Variants in JOSD1 observed in about 807,000 individuals in gnomAD.
The protein encoded by JOSD1 is Josephin domain containing 1, also known as josephin-1.
In JOSD1, 11 loss-of-function variants were observed where a neutral mutation model predicts 24.3. The ratio of observed to expected loss-of-function variants is 0.45; its 90% CI spans 0.29 to 0.75. The LOEUF is 0.75. Ranked by LOEUF, JOSD1 falls within the 30% of genes least tolerant of loss-of-function variation. The probability of loss-of-function intolerance (pLI) is 0.11; values close to 1 mark genes in which losing one functional copy is unlikely to be tolerated. For synonymous variants in JOSD1, 106 were observed against 93.8 expected, an observed-to-expected ratio of 1.13 and a Z score of -0.75; for missense variants, 184 against 253.5, an observed-to-expected ratio of 0.73 and a Z score of 1.86.
intron 2 of JOSD1, among the ~76,000 whole-genome samples, chr22:38,691,167 C>A (rs1399900139): frequency 6.6e-6 from 1 of 152,082 alleles, no homozygotes; most frequent in East Asian, 1.9e-4. Flanking sequence ...GAGTTAGAGA[C>A]CAGCTTGGGC....
At position 38,700,473 on chromosome 22, in the gene JOSD1, G is replaced by A. The variant is rs1339462834; in HGVS notation, c.-486C>T. ...GGTGACGGATAAATTTAGCGCACGA[G>A]TCGAGTAGCTAGCGCGGGCCGGCAG... On this transcript the variant is annotated 5_prime_UTR_variant, in exon 2 of 5. Transcript: ENST00000683374. 5.1e-6 allele frequency: 5 copies of A among 986,296 alleles called. No homozygotes were observed. Among genetic ancestry groups the A allele is most frequent in the Non-Finnish European group, 6.0e-6 (5 of 830,574 alleles). The allele number at this position is 986,296 out of a possible 1,614,324, so 61.1% of individuals were successfully genotyped here.
chr22:38,700,681 G>T (rs955266784), intron 1 of JOSD1, 63 bp from the exon 2 acceptor site: 2 of 977,456 alleles, frequency 2.0e-6, no homozygotes, highest in Non-Finnish European at 2.4e-6. Flanking sequence ...CGGCGGGGCC[G>T]GCCCCTGCCC....
At chr22:38,695,876 T>C (rs2092543807) in intron 2 of JOSD1, among the ~76,000 whole-genome samples, 1 of 152,142 alleles carries the variant, frequency 6.6e-6, no homozygotes, top group Non-Finnish European at 1.5e-5. Context: ...GCCAACATGG[T>C]GAAACCCCGT....
rs182140849 is a variant in JOSD1, at chr22:38,687,803, G to A, written c.*99C>T. 2,155 of 760,776 alleles carry A rather than the reference G, an allele frequency of 2.8e-3. 39 individuals are homozygous for A. In the African/African-American group the frequency reaches 0.034, roughly 12 times the overall value. 47.1% of individuals were successfully genotyped at this position (760,776 alleles called of 1,614,324 possible). ...GATCTGAAGGGGAAAAACTTGATGA[G>A]ATGTTTGGGGAAGTGGCAAGGGCAG... On this transcript the variant is annotated 3_prime_UTR_variant, in exon 5 of 5. Transcript: ENST00000683374.
rs576602359 is a variant in JOSD1, at chr22:38,689,568, C to T, written c.186-144G>A. On this transcript the variant is annotated intron_variant, in intron 2 of 4. Transcript: ENST00000683374. ...TCAAGTGCAATTTCCCCAGCTTCTA[C>T]CTAAGTATTTTGTAAGTGTTCCATG... The T allele has an allele frequency of 1.1e-4, 125 of 1,094,786 alleles. No homozygotes were observed. In the South Asian group the frequency reaches 1.7e-3, roughly 15 times the overall value. The allele number at this position is 1,094,786 out of a possible 1,614,324, so 67.8% of individuals were successfully genotyped here. A position where few individuals can be genotyped will look rare whatever the true frequency, so the allele number is the denominator to read the frequency against.
rs1270641211 is a variant in JOSD1, at chr22:38,688,017, T to C, written c.510-16A>G. 6 of 1,588,362 alleles carry C rather than the reference T, an allele frequency of 3.8e-6. No homozygotes were observed. The East Asian group carries it at 1.1e-4, about 30-fold the overall frequency. On this transcript the variant is annotated splice_polypyrimidine_tract_variant and intron_variant, in intron 4 of 4. Transcript: ENST00000683374. ...TAGAAACTTCCTATGGAAAAAGAGA[T>C]AGAGAAAATGAAATGCTGGCAAGTT... is the stretch of plus-strand genomic sequence containing the variant.
chr22:38,687,896 G>A lies in JOSD1; in HGVS notation c.*6C>T, dbSNP rs748878515. ...GCTGAGGCGAGAGGGAGGTTGGGCA[G>A]AACTGTTACACATCGGTCCTCCAAC... On this transcript the variant is annotated 3_prime_UTR_variant, in exon 5 of 5. Coordinates refer to ENST00000683374, the MANE Select transcript of JOSD1 (RefSeq NM_001360236.2). The A allele has an allele frequency of 6.2e-7, 1 of 1,603,234 alleles. No homozygotes were observed. The highest frequency in any genetic ancestry group is 8.5e-7 in the Non-Finnish European group (1 of 1,170,042).
intron 2 of JOSD1, among the ~76,000 whole-genome samples, chr22:38,690,199 G>A (rs1346535050): frequency 1.3e-5 from 2 of 152,048 alleles, no homozygotes; most frequent in Non-Finnish European, 2.9e-5. Flanking sequence ...AGGGTTCAAG[G>A]GGCATACCTT....
intron 2 of JOSD1, among the ~76,000 whole-genome samples, chr22:38,698,552 T>C (rs2145818986): frequency 6.6e-6 from 1 of 152,294 alleles, no homozygotes; most frequent in East Asian, 1.9e-4. Flanking sequence ...CTGGAATTGC[T>C]AATATGCACT....
At chr22:38,701,001 G>A, upstream of JOSD1, 2 of 983,866 alleles carry the variant, frequency 2.0e-6, no homozygotes, top group Non-Finnish European at 2.4e-6. Flanking sequence ...CCCGGCGCGT[G>A]CTCCGGAAAC....
At chr22:38,701,079 G>T, upstream of JOSD1, 1 of 750,194 alleles carries the variant, frequency 1.3e-6, no homozygotes, top group Non-Finnish European at 1.6e-6. Flanking sequence ...GACGTCATCG[G>T]CACCGGCCTG....
intron 3 of JOSD1, 40 bp downstream of exon 3, chr22:38,689,256 C>A (rs753798171): frequency 6.2e-7 from 1 of 1,613,648 alleles, no homozygotes; most frequent in Admixed American, 1.7e-5. Context: ...TATACCACAA[C>A]CGTGCTGTTC....
intron 3 of JOSD1, 25 bp downstream of exon 3, chr22:38,689,271 T>C (rs186757558): frequency 1.2e-6 from 2 of 1,614,104 alleles, no homozygotes; most frequent in Admixed American, 1.7e-5. Flanking sequence ...CTGTTCTCCA[T>C]CAAGTCAAGC....
intron 2 of JOSD1, among the ~76,000 whole-genome samples, chr22:38,690,191 G>A (rs1047800824): frequency 6.6e-6 from 1 of 152,080 alleles, no homozygotes; most frequent in Admixed American, 6.6e-5. Context: ...TTGAAGGAAG[G>A]GTTCAAGGGG....
chr22:38,698,443 T>C (rs1028740984), intron 2 of JOSD1, among the ~76,000 whole-genome samples: 5 of 152,232 alleles, frequency 3.3e-5, no homozygotes, highest in Non-Finnish European at 4.4e-5. Context: ...CATACCTGTG[T>C]TTTACAAATC....
intron 2 of JOSD1, among the ~76,000 whole-genome samples, chr22:38,697,751 A>C (rs932568387): frequency 1.3e-5 from 2 of 152,274 alleles, no homozygotes; most frequent in Non-Finnish European, 2.9e-5. Context: ...CAGCAACAGA[A>C]TCCATCTTGG....
intron 2 of JOSD1, among the ~76,000 whole-genome samples, chr22:38,698,064 G>A (rs2092552748): frequency 1.3e-5 from 2 of 152,188 alleles, no homozygotes; most frequent in Non-Finnish European, 1.5e-5. Context: ...AAGCCATTGA[G>A]GTACTCACCC....
At chr22:38,689,198 C>T (rs771323395) in intron 3 of JOSD1, 69 bp from the exon 4 acceptor site, 96 of 1,600,844 alleles carry the variant, frequency 6.0e-5, no homozygotes, top group Non-Finnish European at 8.0e-5. Context: ...TGTAATACCA[C>T]AACTGGCTAC....
chr22:38,699,566 C>T lies in JOSD1; in HGVS notation c.185+237G>A, dbSNP rs138237809. Among the ~76,000 whole-genome samples the T allele has an allele frequency of 6.8e-3, 1,039 of 152,290 alleles. 9 individuals carry two copies. Among genetic ancestry groups the T allele is most frequent in the Admixed American group, 0.011 (165 of 15,290 alleles). On this transcript the variant is annotated intron_variant, in intron 2 of 4. Coordinates refer to ENST00000683374, the MANE Select transcript of JOSD1 (RefSeq NM_001360236.2). ...ACATCACATATTAACACGTATTCCA[C>T]GGGACTGTTGAAGATCACTCAAGAA...
Sources: gnomAD v4.1 joint callset for allele counts (sites outside exome capture counted in the v4.1 genomes callset) on GRCh38, gnomAD v4.1.1 for gene constraint, MANE v1.5 for transcripts, NCBI Gene and HGNC (gene_info 2026-07-23, HGNC 2026-07-21) for gene names.